The following AMPH variants were observed in gnomAD, a reference collection of about 807,000 sequenced individuals.
The protein encoded by AMPH is amphiphysin, also known as amphiphysin (Stiff-Mann syndrome with breast cancer 128kD autoantigen).
AMPH carries 49 observed loss-of-function variants against 99.1 expected under a neutral mutation model. That is an observed-to-expected ratio of 0.49 (90% CI 0.39 to 0.63). The LOEUF (loss-of-function observed/expected upper bound fraction) is 0.63, where lower values mean the gene tolerates loss of function less well. Among genes scored for constraint, AMPH ranks in the 20% least tolerant of loss-of-function variants. AMPH has a pLI of 0.00. For synonymous variants in AMPH, 314 were observed against 317.3 expected (o/e 0.99, Z 0.11); for missense variants, 759 against 863.4 (o/e 0.88, Z 1.52).
intron 17 of AMPH, among the ~76,000 whole-genome samples, chr7:38,413,941 G>A (rs1478642451): frequency 1.3e-5 from 2 of 152,178 alleles, no homozygotes; most frequent in African/African-American, 2.4e-5. Context: ...GTGAACATGA[G>A]TGTCACTGAA....
chr7:38,582,114 C>T (rs770165099), intron 1 of AMPH, among the ~76,000 whole-genome samples: 4 of 151,954 alleles, frequency 2.6e-5, no homozygotes, highest in Admixed American at 6.6e-5. Flanking sequence ...AAAAGAAGCC[C>T]GAAGCCTGAG....
At chr7:38,438,599 A>G (rs537813942) in intron 11 of AMPH, among the ~76,000 whole-genome samples, 27 of 152,138 alleles carry the variant, frequency 1.8e-4, no homozygotes, top group African/African-American at 6.0e-4. Flanking sequence ...AATCCCCTTA[A>G]GGAAGCTCAA....
intron 1 of AMPH, among the ~76,000 whole-genome samples, chr7:38,619,535 A>G (rs144892677): frequency 1.5e-4 from 23 of 152,290 alleles, no homozygotes; most frequent in African/African-American, 5.3e-4. Flanking sequence ...TCATCCTAAC[A>G]CACATCTATA....
chr7:38,473,292 CTAAA>C (rs770520419), intron 7 of AMPH, among the ~76,000 whole-genome samples: 5 of 152,094 alleles, frequency 3.3e-5, no homozygotes, highest in Non-Finnish European at 7.4e-5. Flanking sequence ...GTGTTTGGAA[CTAAA>C]TAGCTGTTGA....
intron 2 of AMPH, among the ~76,000 whole-genome samples, chr7:38,515,388 T>C (rs947372287): frequency 2.0e-5 from 3 of 152,138 alleles, no homozygotes; most frequent in African/African-American, 4.8e-5. Context: ...TGAGATCTGA[T>C]TGTTTAAAAG....
At chr7:38,432,465 T>C (rs781226329) in intron 12 of AMPH, among the ~76,000 whole-genome samples, 4 of 152,182 alleles carry the variant, frequency 2.6e-5, no homozygotes, top group Non-Finnish European at 5.9e-5. Flanking sequence ...TTTTACATAA[T>C]TGTATTATAC....
intron 5 of AMPH, among the ~76,000 whole-genome samples, chr7:38,478,232 C>T (rs1017758741): frequency 6.6e-6 from 1 of 152,048 alleles, no homozygotes; most frequent in Non-Finnish European, 1.5e-5. Flanking sequence ...ACAAAGACAA[C>T]TAAAATCTAA....
At chr7:38,510,965 G>A (rs1789516593) in intron 2 of AMPH, among the ~76,000 whole-genome samples, 1 of 152,056 alleles carries the variant, frequency 6.6e-6, no homozygotes, top group South Asian at 2.1e-4. Flanking sequence ...TACAGGCTCT[G>A]AGATCACACT....
chr7:38,406,618 A>C (rs1311927708), intron 17 of AMPH, among the ~76,000 whole-genome samples: 1 of 151,850 alleles, frequency 6.6e-6, no homozygotes, highest in Non-Finnish European at 1.5e-5. Flanking sequence ...CCCCTCCTCA[A>C]TGTGAATGGG....
intron 17 of AMPH, among the ~76,000 whole-genome samples, chr7:38,407,925 C>G (rs113560082): frequency 0.014 from 2,090 of 152,226 alleles, 13 homozygotes; most frequent in Non-Finnish European, 0.022. Context: ...TATGCACATT[C>G]TGTAGACTGA....
chr7:38,413,642 T>C (rs941254778), intron 17 of AMPH, among the ~76,000 whole-genome samples: 1 of 152,172 alleles, frequency 6.6e-6, no homozygotes, highest in Non-Finnish European at 1.5e-5. Context: ...TTCTGTGATT[T>C]TTTTTTCTAA....
chr7:38,501,361 T>C (rs998135330), intron 3 of AMPH, among the ~76,000 whole-genome samples: 1 of 152,096 alleles, frequency 6.6e-6, no homozygotes, highest in Non-Finnish European at 1.5e-5. Flanking sequence ...TGACTAATTT[T>C]TGTATTTTCA....
At chr7:38,442,792 A>G (rs1786604564) in intron 11 of AMPH, among the ~76,000 whole-genome samples, 1 of 152,128 alleles carries the variant, frequency 6.6e-6, no homozygotes, top group Non-Finnish European at 1.5e-5. Flanking sequence ...TGAATATAAA[A>G]AAAAAACATA....
chr7:38,606,983 G>A (rs990625004), intron 1 of AMPH, among the ~76,000 whole-genome samples: 41 of 152,092 alleles, frequency 2.7e-4, no homozygotes, highest in Non-Finnish European at 1.6e-4. Context: ...ACCTTTGACT[G>A]TTATAAATAA....
chr7:38,395,856 A>C lies in AMPH; in HGVS notation c.1399-1642T>G, dbSNP rs574644152. On this transcript the variant is annotated intron_variant, in intron 17 of 20. Transcript: ENST00000356264. Reference sequence around the variant, plus strand: ...GAACATGAACCACACATCTACACTTATAACAAAGCAGTTTTAAAAACGTTT... The same window carrying C: ...GAACATGAACCACACATCTACACTTCTAACAAAGCAGTTTTAAAAACGTTT... 2.4e-4 allele frequency among the ~76,000 whole-genome samples: 36 copies of C among 152,376 alleles called. 1 individual carries two copies. The South Asian group carries it at 5.4e-3, about 23-fold the overall frequency.
At chr7:38,568,006 T>C (rs1293350764) in intron 1 of AMPH, among the ~76,000 whole-genome samples, 4 of 152,184 alleles carry the variant, frequency 2.6e-5, no homozygotes, top group East Asian at 3.8e-4. Context: ...CTAGATTTCA[T>C]TGGCAATACC....
At chr7:38,440,126 C>A (rs2128997590) in intron 11 of AMPH, among the ~76,000 whole-genome samples, 1 of 152,080 alleles carries the variant, frequency 6.6e-6, no homozygotes, top group East Asian at 1.9e-4. Flanking sequence ...CACATGTGGA[C>A]CAATCATAAT....
chr7:38,463,982 G>A, intron 9 of AMPH: 1 of 1,127,046 alleles, frequency 8.9e-7, no homozygotes. Flanking sequence ...CCTTTAGCGA[G>A]AACACAGACA....
At chr7:38,570,220 C>A (rs1791892358) in intron 1 of AMPH, among the ~76,000 whole-genome samples, 1 of 152,086 alleles carries the variant, frequency 6.6e-6, no homozygotes, top group Non-Finnish European at 1.5e-5. Context: ...AGTAATGAAT[C>A]CTATATTAGC....
Sources: gnomAD v4.1 joint callset for allele counts (sites outside exome capture counted in the v4.1 genomes callset) on GRCh38, gnomAD v4.1.1 for gene constraint, MANE v1.5 for transcripts, NCBI Gene and HGNC (gene_info 2026-07-23, HGNC 2026-07-21) for gene names.